The following PTPRG variants were observed in gnomAD, a reference collection of about 807,000 sequenced individuals.
PTPRG encodes receptor-type tyrosine-protein phosphatase gamma.
A neutral mutation model predicts 165.3 loss-of-function variants in PTPRG; 102 were observed. That is an observed-to-expected ratio of 0.62 (90% CI 0.53 to 0.73). The LOEUF is 0.73. Among genes scored for constraint, PTPRG ranks in the 30% least tolerant of loss-of-function variants. The pLI is 0.00. For synonymous variants in PTPRG, 675 were observed against 669.5 expected (o/e 1.01, Z -0.13); for missense variants, 1,866 against 1,861.4 (o/e 1.00, Z -0.05).
At chr3:61,627,584 G>C (rs1306852591) in intron 1 of PTPRG, among the ~76,000 whole-genome samples, 2 of 152,034 alleles carry the variant, frequency 1.3e-5, no homozygotes, top group African/African-American at 4.8e-5. Context: ...TGCACAACCA[G>C]GTCTCACAGA....
chr3:62,185,056 C>G (rs1705822308), intron 8 of PTPRG, among the ~76,000 whole-genome samples: 1 of 152,060 alleles, frequency 6.6e-6, no homozygotes, highest in African/African-American at 2.4e-5. Context: ...TACTGTGGAA[C>G]CACTGAGAAA....
At chr3:61,853,095 G>A (rs558225003) in intron 2 of PTPRG, among the ~76,000 whole-genome samples, 20 of 152,282 alleles carry the variant, frequency 1.3e-4, no homozygotes, top group East Asian at 1.9e-4. Context: ...TTGTCCTTGC[G>A]GAGCTTACGT....
rs1576204809 is a variant in PTPRG at position 62,271,652 on chromosome 3, G to A, written c.3182+97G>A. The stretch of plus-strand genomic sequence containing the variant: ...TGATTGCTACTGCTTTCACTTAGAA[G>A]CTGAATCTTCCACTGGAAACTGGGA... On this transcript the variant is annotated intron_variant, in intron 21 of 29. Transcript: ENST00000474889. The surrounding 1 kb of genome is among the most constrained non-coding windows in gnomAD (Gnocchi z 4.1). The A allele has an allele frequency of 8.7e-7, 1 of 1,155,306 alleles. No individual in the cohort carries two copies. Among genetic ancestry groups the A allele is most frequent in the East Asian group, 2.5e-5 (1 of 39,390 alleles). 71.6% of individuals were successfully genotyped at this position (1,155,306 alleles called of 1,614,324 possible).
At chr3:62,075,762 G>T (rs78530912) in intron 4 of PTPRG, among the ~76,000 whole-genome samples, 1 of 152,074 alleles carries the variant, frequency 6.6e-6, no homozygotes, top group Non-Finnish European at 1.5e-5. Flanking sequence ...ATTGTTCACC[G>T]TCAAATCTCT....
intron 1 of PTPRG, among the ~76,000 whole-genome samples, chr3:61,574,802 G>A (rs1306784712): frequency 1.3e-5 from 2 of 152,178 alleles, no homozygotes; most frequent in Non-Finnish European, 2.9e-5. Context: ...TGGAGAAGGT[G>A]GAAGGGGAAG....
chr3:61,617,159 C>G (rs1701320739), intron 1 of PTPRG, among the ~76,000 whole-genome samples: 1 of 152,200 alleles, frequency 6.6e-6, no homozygotes, highest in Admixed American at 6.5e-5. Context: ...AGCTCCAAGT[C>G]AAGGGACAGG....
chr3:62,258,101 T>C (rs1452735069), intron 16 of PTPRG, among the ~76,000 whole-genome samples: 1 of 152,038 alleles, frequency 6.6e-6, no homozygotes, highest in Admixed American at 6.6e-5. Flanking sequence ...AGCAGCCAAA[T>C]TAGGAACCCC....
At chr3:61,769,307 C>G (rs553176658) in intron 2 of PTPRG, 1 of 151,994 alleles carries the variant, frequency 6.6e-6, no homozygotes, top group Non-Finnish European at 1.5e-5. Context: ...TTTACTCTGT[C>G]GCCCAGGCTG....
chr3:61,792,011 A>G (rs2034890951), intron 2 of PTPRG, among the ~76,000 whole-genome samples: 1 of 152,134 alleles, frequency 6.6e-6, no homozygotes, highest in Non-Finnish European at 1.5e-5. Context: ...TAGAATCTTT[A>G]GTTCTAGACA....
Position 61,680,922 on chromosome 3 carries a change from C to T in PTPRG, c.86-67956C>T, listed in dbSNP as rs898470969. Among the ~76,000 whole-genome samples, 29 of 74,672 alleles carry T rather than the reference C, an allele frequency of 3.9e-4. 3 individuals are homozygous for T. Among genetic ancestry groups the T allele is most frequent in the African/African-American group, 1.1e-3 (29 of 26,148 alleles). 49.0% of individuals were successfully genotyped at this position (74,672 alleles called of 152,430 possible). On this transcript the variant is annotated intron_variant, in intron 1 of 29. Coordinates refer to ENST00000474889, the MANE Select transcript of PTPRG (RefSeq NM_002841.4). Reference sequence around the variant, plus strand: ...GTGTTTAAAATGTGGGAGACAGGAGCTGTATGGAAATCATTATTTTCAAAT... The same window carrying T: ...GTGTTTAAAATGTGGGAGACAGGAGTTGTATGGAAATCATTATTTTCAAAT...
At chr3:62,249,898 C>T (rs1701372806) in intron 15 of PTPRG, among the ~76,000 whole-genome samples, 1 of 152,096 alleles carries the variant, frequency 6.6e-6, no homozygotes, top group Non-Finnish European at 1.5e-5. Flanking sequence ...GTCTGCCTGG[C>T]CCTATTACTT....
intron 2 of PTPRG, among the ~76,000 whole-genome samples, chr3:61,979,651 A>C (rs1203834706): frequency 6.6e-6 from 1 of 152,240 alleles, no homozygotes; most frequent in Non-Finnish European, 1.5e-5. Context: ...ATAGAAGTGC[A>C]AGTTAAAATC....
intron 1 of PTPRG, among the ~76,000 whole-genome samples, chr3:61,658,444 C>T (rs1048047243): frequency 6.6e-6 from 1 of 152,040 alleles, no homozygotes; most frequent in African/African-American, 2.4e-5. Flanking sequence ...CCAGCTCTGC[C>T]CTCATCTATT....
At chr3:61,737,796 T>C (rs1389574534) in intron 1 of PTPRG, among the ~76,000 whole-genome samples, 1 of 152,110 alleles carries the variant, frequency 6.6e-6, no homozygotes, top group East Asian at 1.9e-4. Context: ...TTAGGGATTA[T>C]CTTGGTGGAT....
chr3:61,926,076 A>G (rs959406790), intron 2 of PTPRG, among the ~76,000 whole-genome samples: 1 of 152,214 alleles, frequency 6.6e-6, no homozygotes, highest in Non-Finnish European at 1.5e-5. Flanking sequence ...TCTGCAGGTC[A>G]TTCACAGACA....
At chr3:61,876,699 G>A (rs1245705951) in intron 2 of PTPRG, among the ~76,000 whole-genome samples, 2 of 152,058 alleles carry the variant, frequency 1.3e-5, no homozygotes, top group South Asian at 2.1e-4. Flanking sequence ...CCCTGAAGTC[G>A]GGAGTTTGAG....
intron 2 of PTPRG, among the ~76,000 whole-genome samples, chr3:61,824,463 C>A (rs984849458): frequency 6.6e-6 from 1 of 152,192 alleles, no homozygotes; most frequent in Admixed American, 6.5e-5. Flanking sequence ...CCTTCCCTTG[C>A]AGCAGGGAAA....
intron 2 of PTPRG, among the ~76,000 whole-genome samples, chr3:61,925,611 C>G (rs1362134792): frequency 6.6e-6 from 1 of 152,050 alleles, no homozygotes; most frequent in African/African-American, 2.4e-5. Flanking sequence ...GGCCTGGTGG[C>G]GTGTGCCTGT....
At chr3:61,911,597 C>A (rs1304855115) in intron 2 of PTPRG, among the ~76,000 whole-genome samples, 1 of 152,070 alleles carries the variant, frequency 6.6e-6, no homozygotes, top group South Asian at 2.1e-4. Flanking sequence ...CATGTCATTA[C>A]CTTAAATGTC....
Sources: allele counts gnomAD v4.1 joint callset (sites outside exome capture counted in the v4.1 genomes callset), GRCh38; gene constraint gnomAD v4.1.1; non-coding constraint Gnocchi (gnomAD v3.1); transcripts MANE v1.5; gene names NCBI Gene and HGNC (gene_info 2026-07-23, HGNC 2026-07-21).